Variants in USP42 observed in about 807,000 individuals in gnomAD.
USP42 encodes ubiquitin specific peptidase 42.
Under a neutral mutation model 113.0 loss-of-function variants are expected in USP42, and 23 were observed. The ratio of observed to expected loss-of-function variants is 0.20; its 90% CI spans 0.15 to 0.29. USP42 has a LOEUF of 0.29. Among genes scored for constraint, USP42 ranks in the 10% least tolerant of loss-of-function variants. The pLI is 1.00. For synonymous variants in USP42, 933 were observed against 699.0 expected (o/e 1.33, Z -5.28); for missense variants, 2,174 against 1,779.8 (o/e 1.22, Z -3.99).
chr7:6,119,877 G>T (rs1381593523), intron 3 of USP42, among the ~76,000 whole-genome samples: 3 of 152,108 alleles, frequency 2.0e-5, no homozygotes, highest in South Asian at 4.1e-4. Context: ...CTAATTTTTT[G>T]TTTTTTTGTA....
At chr7:6,087,635 C>T in the USP42 span, among the ~76,000 whole-genome samples, 1 of 151,172 alleles carries the variant, frequency 6.6e-6, no homozygotes. Context: ...CCTGCCCCGC[C>T]TCACACTTCT....
chr7:6,094,154 T>G, the USP42 span, among the ~76,000 whole-genome samples: 2 of 150,326 alleles, frequency 1.3e-5, no homozygotes, highest in African/African-American at 5.0e-5. Flanking sequence ...AGTGCTGGGA[T>G]TACAGGCATG....
chr7:6,159,317 T>TGGG lies in USP42; in HGVS notation c.3944-131_3944-129dup. On this transcript the variant is annotated intron_variant, in intron 16 of 17. Coordinates refer to ENST00000306177, the MANE Select transcript of USP42 (RefSeq NM_032172.3). This position sits in a 1 kb window ranked among gnomAD's most constrained non-coding sequence, Gnocchi z 4.1. ...GCTGGGACATCCCTGCTCACCTCAC[T>TGGG]GGGGAGTGGCCTCAGGCGCTCACAG... 8.7e-7 allele frequency: 1 copy of TGGG among 1,143,674 alleles called. No homozygotes were observed. Among genetic ancestry groups the TGGG allele is most frequent in the South Asian group, 1.4e-5 (1 of 71,936 alleles). 70.8% of individuals were successfully genotyped at this position (1,143,674 alleles called of 1,614,324 possible).
At chr7:6,086,018 T>C in the USP42 span, among the ~76,000 whole-genome samples, 3,680 of 150,436 alleles carry the variant, frequency 0.024, 332 homozygotes, top group African/African-American at 0.085. Context: ...GAAACCACCC[T>C]GGTGATAACC....
chr7:6,101,880 T>A (rs1397906780), upstream of USP42, among the ~76,000 whole-genome samples: 2 of 145,994 alleles, frequency 1.4e-5, no homozygotes, highest in African/African-American at 5.4e-5. Flanking sequence ...GGAGTTCGAG[T>A]CCAGCCTGAC....
At position 6,154,187 on chromosome 7, in the gene USP42, A is replaced by T. The variant is rs766262588; in HGVS notation, c.2633A>T (p.Asp878Val). ...EQPLLVHPSG[D>V]HARDAQDPSQ... is the part of the protein sequence containing the mutation. ...CCACTCCTTGTTCACCCCAGCGGGG[A>T]CCACGCCCGGGACGCTCAGGACCCA... The change falls in exon 15 of 18, where the codon GAC becomes GTC. Residue 878 changes from aspartate to valine, a missense_variant. Coordinates refer to ENST00000306177, the MANE Select transcript of USP42 (RefSeq NM_032172.3). The T allele has an allele frequency of 6.2e-7, 1 of 1,600,592 alleles. No homozygotes were observed.
At position 6,141,415 on chromosome 7, in the gene USP42, G is replaced by T. The variant is rs1157764592; in HGVS notation, c.795+431G>T. 8.6e-5 allele frequency among the ~76,000 whole-genome samples: 13 copies of T among 151,904 alleles called. 1 individual carries two copies. The highest frequency in any genetic ancestry group is 3.1e-4 in the African/African-American group (13 of 41,358). ...AGATGGGGTTTCACCTATCGGCCAG[G>T]ATGGTCTTGAACTCTTGACCTCGTG... On this transcript the variant is annotated intron_variant, in intron 7 of 17. Coordinates refer to ENST00000306177, the MANE Select transcript of USP42 (RefSeq NM_032172.3).
At chr7:6,150,609 C>A in intron 14 of USP42, 103 bp downstream of exon 14, 2 of 968,042 alleles carry the variant, frequency 2.1e-6, no homozygotes, top group Non-Finnish European at 3.2e-6. Flanking sequence ...TTATAATGAA[C>A]ATTTTGAATC....
In USP42 at chr7:6,158,880, A is replaced by C. The variant is rs1782611896; in HGVS notation, c.3944-570A>C. On this transcript the variant is annotated intron_variant, in intron 16 of 17. Transcript: ENST00000306177. The surrounding 1 kb of genome is among the most constrained non-coding windows in gnomAD (Gnocchi z 4.2). Reference sequence around the variant, plus strand: ...TGATGGCCCCCGAGGCAGCTGGTCCAGCGGGAGGGAGGTTGAACGTGATCT... The same window carrying C: ...TGATGGCCCCCGAGGCAGCTGGTCCCGCGGGAGGGAGGTTGAACGTGATCT... 1.3e-5 allele frequency among the ~76,000 whole-genome samples: 2 copies of C among 151,736 alleles called. No homozygotes were observed. The highest frequency in any genetic ancestry group is 4.2e-4 in the South Asian group (2 of 4,776).
chr7:6,114,399 C>T (rs1779763217), intron 2 of USP42, among the ~76,000 whole-genome samples: 1 of 151,966 alleles, frequency 6.6e-6, no homozygotes, highest in Admixed American at 6.6e-5. Flanking sequence ...ATGTAGCCGT[C>T]AACCAACTTT....
At chr7:6,102,700 G>A (rs936048655), upstream of USP42, among the ~76,000 whole-genome samples, 24 of 150,930 alleles carry the variant, frequency 1.6e-4, no homozygotes, top group Non-Finnish European at 3.1e-4. Flanking sequence ...AGATGTAGTA[G>A]TGGGGTAGGG....
At chr7:6,102,868 C>G (rs1206961240), upstream of USP42, among the ~76,000 whole-genome samples, 1 of 151,014 alleles carries the variant, frequency 6.6e-6, no homozygotes, top group African/African-American at 2.5e-5. Context: ...TTTTGGAAGA[C>G]CACCCAAGCC....
At chr7:6,103,497 A>G (rs1416111521), upstream of USP42, among the ~76,000 whole-genome samples, 1 of 148,304 alleles carries the variant, frequency 6.7e-6, no homozygotes, top group Non-Finnish European at 1.5e-5. Flanking sequence ...AGCCTGGGCC[A>G]TAAGAGCAAA....
the USP42 span, among the ~76,000 whole-genome samples, chr7:6,096,930 T>C: frequency 1.1e-5 from 1 of 89,988 alleles, no homozygotes; most frequent in Non-Finnish European, 1.8e-5. Flanking sequence ...TTTCTTTCTT[T>C]TCTTTTTTTT....
intron 3 of USP42, among the ~76,000 whole-genome samples, chr7:6,133,930 G>C (rs539605803): frequency 5.4e-4 from 72 of 132,942 alleles, no homozygotes; most frequent in African/African-American, 1.9e-3. Flanking sequence ...TTGCTCTGTC[G>C]CCCAGGCTGG....
the USP42 span, among the ~76,000 whole-genome samples, chr7:6,087,117 T>A: frequency 6.7e-6 from 1 of 148,654 alleles, no homozygotes; most frequent in East Asian, 2.0e-4. Flanking sequence ...CTGCAACCTC[T>A]GCCTCCCATG....
chr7:6,154,976 C>T lies in USP42; in HGVS notation c.3422C>T (p.Ala1141Val), dbSNP rs539430979. 23 of 1,562,016 alleles carry T rather than the reference C, an allele frequency of 1.5e-5. No individual in the cohort carries two copies. In the Admixed American group the frequency reaches 1.9e-4, roughly 13 times the overall value. ...RFSHDRTALV[A>V]GDNCNLSDRF... is the part of the protein sequence containing the mutation. ...TCCCACGACAGAACTGCACTTGTAG[C>T]CGGAGACAACTGTAACCTCTCTGAT... Residue 1141 changes from alanine (A) to valine (V), a missense_variant, in exon 15 of 18, where the codon GCC (alanine) becomes GTC (valine). Physicochemically the swap from Ala to Val is moderately conservative, Grantham distance 64 (BLOSUM62 0). Coordinates refer to ENST00000306177, the MANE Select transcript of USP42 (RefSeq NM_032172.3).
intron 6 of USP42, 94 bp from the exon 7 acceptor site, chr7:6,140,820 T>C: frequency 1.3e-6 from 1 of 745,264 alleles, no homozygotes; most frequent in Admixed American, 3.2e-5. Context: ...GTTAAAAAAT[T>C]TTAAATTTCA....
At position 6,125,831 on chromosome 7, in the gene USP42, G is replaced by T. The variant is rs557534053; in HGVS notation, c.443-10010G>T. On this transcript the variant is annotated intron_variant, in intron 3 of 17. Coordinates refer to ENST00000306177, the MANE Select transcript of USP42 (RefSeq NM_032172.3). The stretch of plus-strand genomic sequence containing the variant: ...TGATTTTAGTTTTTGTTTTTTTTTT[G>T]GTTTGAAATGTCTTTATTTTGCTTT... 6.7e-4 allele frequency among the ~76,000 whole-genome samples: 95 copies of T among 140,966 alleles called. No homozygotes were observed. The Middle Eastern group carries it at 0.011, about 16-fold the overall frequency. The allele number at this position is 140,966 out of a possible 152,430, so 92.5% of individuals were successfully genotyped here. A position where few individuals can be genotyped will look rare whatever the true frequency, so the allele number is the denominator to read the frequency against.
Sources: allele counts gnomAD v4.1 joint callset (sites outside exome capture counted in the v4.1 genomes callset), GRCh38; gene constraint gnomAD v4.1.1; non-coding constraint Gnocchi (gnomAD v3.1); transcripts MANE v1.5; gene names NCBI Gene and HGNC (gene_info 2026-07-23, HGNC 2026-07-21).